The following SMG1 variants were observed in gnomAD, a reference collection of about 807,000 sequenced individuals.
The protein encoded by SMG1 is SMG1 nonsense mediated mRNA decay associated PI3K related kinase.
A neutral mutation model predicts 419.9 loss-of-function variants in SMG1; 22 were observed. The ratio of observed to expected loss-of-function variants is 0.05; its 90% confidence interval spans 0.04 to 0.07. The LOEUF (loss-of-function observed/expected upper bound fraction) is 0.07. Among genes scored for constraint, SMG1 ranks in the 10% least tolerant of loss-of-function variants. SMG1 has a pLI of 1.00. For missense variants in SMG1, 3,185 were observed against 4,342.0 expected (o/e 0.73, Z 7.49); for synonymous variants, 1,538 against 1,553.5 (o/e 0.99, Z 0.23).
At chr16:18,911,485 G>T (rs1028364277) in intron 1 of SMG1, 1 of 152,124 alleles carries the variant, frequency 6.6e-6, no homozygotes, top group Non-Finnish European at 1.5e-5. Context: ...TCCAGCCTGG[G>T]GGACAGAGCG....
intron 1 of SMG1, among the ~76,000 whole-genome samples, chr16:18,920,404 G>C (rs1008268342): frequency 6.7e-6 from 1 of 150,212 alleles, no homozygotes; most frequent in African/African-American, 2.5e-5. Flanking sequence ...AAAAAAAGTT[G>C]GGGTGAGGTG....
chr16:18,900,007 T>TG, intron 1 of SMG1: 1 of 1,531,208 alleles, frequency 6.5e-7, no homozygotes, highest in Non-Finnish European at 8.7e-7. Flanking sequence ...GCATACTGTA[T>TG]AATATGGAGC....
intron 1 of SMG1, chr16:18,911,330 T>A (rs965451309): frequency 7.8e-6 from 1 of 128,950 alleles, no homozygotes; most frequent in Non-Finnish European, 1.6e-5. Context: ...GGTGAAACCC[T>A]GTCTCTACTA....
intron 56 of SMG1, among the ~76,000 whole-genome samples, chr16:18,817,757 GC>G (rs1313585101): frequency 3.9e-5 from 6 of 152,112 alleles, no homozygotes; most frequent in Admixed American, 6.5e-5. Context: ...CCACAATAAA[GC>G]TGTTATATTC....
At chr16:18,819,337 G>A (rs2032309787) in intron 56 of SMG1, among the ~76,000 whole-genome samples, 165 bp downstream of exon 56, 1 of 152,154 alleles carries the variant, frequency 6.6e-6, no homozygotes, top group African/African-American at 2.4e-5. Context: ...CCTGCTGTGG[G>A]TTCAACTTAA....
intron 18 of SMG1, among the ~76,000 whole-genome samples, chr16:18,870,315 A>G (rs1334861179): frequency 6.6e-6 from 1 of 152,238 alleles, no homozygotes; most frequent in Admixed American, 6.5e-5. Context: ...ATCAAAAACA[A>G]TAAAAGATTA....
intron 60 of SMG1, among the ~76,000 whole-genome samples, chr16:18,812,647 T>TACAC (rs146911328): frequency 7.1e-5 from 9 of 127,656 alleles, no homozygotes; most frequent in Admixed American, 2.3e-4. Flanking sequence ...TATACACATA[T>TACAC]ACACACACAC....
rs377124551 is a variant in SMG1 at position 18,817,357 on chromosome 16, C to G, written c.10008G>C (p.Met3336Ile). 1 of 1,612,024 alleles carries G rather than the reference C, an allele frequency of 6.2e-7. No individual in the cohort carries two copies. The highest frequency in any genetic ancestry group is 8.5e-7 in the Non-Finnish European group (1 of 1,178,996). The change falls in exon 57 of 63, where the codon ATG (methionine) becomes ATC (isoleucine). Residue 3336 changes from methionine to isoleucine, a missense_variant. Met to Ile is a conservative substitution (Grantham distance 10). Transcript: ENST00000446231. ...LFELIKRCQQ[M>I]CSFASQFNSS... is the part of the protein sequence containing the mutation. ...TGTTAAACTGTGATGCAAACGAACACATCTGCTGACATCGCTTGATTAGTT... is the reference window on the plus strand; with the variant it reads ...TGTTAAACTGTGATGCAAACGAACAGATCTGCTGACATCGCTTGATTAGTT...
At chr16:18,838,925 A>G (rs1384951213) in intron 42 of SMG1, among the ~76,000 whole-genome samples, 1 of 152,138 alleles carries the variant, frequency 6.6e-6, no homozygotes, top group African/African-American at 2.4e-5. Flanking sequence ...TAAAAAAAAC[A>G]CAAACAAACA....
At chr16:18,827,748 A>T (rs12448472) in intron 55 of SMG1, among the ~76,000 whole-genome samples, 43,908 of 143,220 alleles carry the variant, frequency 0.31, 7,515 homozygotes, top group Non-Finnish European at 0.38. Context: ...ATATATTTTT[A>T]TATATCTTTG....
rs767999204 is a variant in SMG1 at position 18,845,571 on chromosome 16, C to T, written c.6077G>A (p.Ser2026Asn). ...PIVFALEHVR[S>N]ITAAPAETPH... ...TGTTTCTGCAGGAGCCGCTGTGATA[C>T]TCCTCACATGCTCCAAAGCAAATAC... is the stretch of plus-strand genomic sequence containing the variant. Residue 2026 changes from serine to asparagine, a missense_variant, in exon 39 of 63, where the codon AGT becomes AAT. By Grantham distance (46) the Ser-to-Asn change is conservative. Around this residue, in one of 27 missense-constraint regions of SMG1, gnomAD observed 159 missense variants for 196.0 expected, o/e 0.81. Coordinates refer to ENST00000446231, the MANE Select transcript of SMG1 (RefSeq NM_015092.5). The T allele has an allele frequency of 4.3e-6, 7 of 1,613,730 alleles. No homozygotes were observed. Among genetic ancestry groups the T allele is most frequent in the African/African-American group, 1.3e-5 (1 of 74,918 alleles).
At chr16:18,887,323 CA>C (rs928913320) in intron 6 of SMG1, among the ~76,000 whole-genome samples, 3 of 151,872 alleles carry the variant, frequency 2.0e-5, no homozygotes, top group African/African-American at 7.3e-5. Context: ...AAATTTTTCT[CA>C]AACCTCTATA....
Position 18,817,427 on chromosome 16 carries a change from C to T in SMG1, c.9938G>A (p.Arg3313Gln). Residue 3313 changes from arginine to glutamine, a missense_variant, in exon 57 of 63, where the codon CGA becomes CAA. Physicochemically the swap from Arg to Gln is conservative, Grantham distance 43 (BLOSUM62 1). Coordinates refer to ENST00000446231, the MANE Select transcript of SMG1 (RefSeq NM_015092.5). ...CSNIIHFESL[R>Q]TRTAEALNLD... ...GTTTAAGGCTTCTGCAGTTCTTGTT[C>T]GTAAACTTTCAAAATGAATGATATT... is the stretch of plus-strand genomic sequence containing the variant. 1 of 1,593,440 alleles carries T rather than the reference C, an allele frequency of 6.3e-7. No individual in the cohort carries two copies. The highest frequency in any genetic ancestry group is 8.6e-7 in the Non-Finnish European group (1 of 1,168,906).
rs1225376464 is a variant in SMG1 at position 18,807,243 on chromosome 16, TG to T, written c.*2325del. The T allele has an allele frequency of 6.6e-6, 1 of 152,170 alleles. No individual in the cohort carries two copies. The highest frequency in any genetic ancestry group is 1.5e-5 in the Non-Finnish European group (1 of 68,010). The allele number at this position is 152,170 out of a possible 1,614,324, so 9.4% of individuals were successfully genotyped here. A position where few individuals can be genotyped will look rare whatever the true frequency, so the allele number is the denominator to read the frequency against. On this transcript the variant is annotated 3_prime_UTR_variant, in exon 63 of 63. Coordinates refer to ENST00000446231, the MANE Select transcript of SMG1 (RefSeq NM_015092.5). Reference sequence around the variant, plus strand: ...AATACTATCTATAGTGCTAAACTAATGTGAACTGACTATCATTGCGATAAAA... The same window carrying T: ...AATACTATCTATAGTGCTAAACTAATTGAACTGACTATCATTGCGATAAAA...
chr16:18,895,007 C>A (rs2037056347), intron 3 of SMG1, among the ~76,000 whole-genome samples: 1 of 151,924 alleles, frequency 6.6e-6, no homozygotes, highest in South Asian at 2.1e-4. Flanking sequence ...TCAGTAGAGA[C>A]AGGGTTTCAC....
intron 56 of SMG1, 81 bp downstream of exon 56, chr16:18,819,421 A>G (rs2032315631): frequency 1.4e-6 from 2 of 1,472,808 alleles, no homozygotes; most frequent in South Asian, 1.2e-5. Context: ...AAGCTCCCCT[A>G]GTTACCCCAC....
At chr16:18,904,876 A>T (rs1366670232) in intron 1 of SMG1, among the ~76,000 whole-genome samples, 1 of 152,158 alleles carries the variant, frequency 6.6e-6, no homozygotes, top group Non-Finnish European at 1.5e-5. Flanking sequence ...CGGAGGCTGC[A>T]GTGAGCCGAG....
At position 18,809,550 on chromosome 16, in the gene SMG1, T is replaced by G; in HGVS notation, c.*19A>C. The G allele has an allele frequency of 6.3e-7, 1 of 1,596,104 alleles. No individual in the cohort carries two copies. Among genetic ancestry groups the G allele is most frequent in the African/African-American group, 1.3e-5 (1 of 74,748 alleles). On this transcript the variant is annotated 3_prime_UTR_variant, in exon 63 of 63. Transcript: ENST00000446231. ...GATGTCTGACCTCGCTTAACCAGAC[T>G]CATCTACTGTCTTGCCATTCACACC...
At chr16:18,894,957 A>C (rs1160509470) in intron 3 of SMG1, among the ~76,000 whole-genome samples, 1 of 151,940 alleles carries the variant, frequency 6.6e-6, no homozygotes, top group Admixed American at 6.6e-5. Flanking sequence ...AGCTGGGGCT[A>C]CAGGCGCCCA....
Sources: allele counts gnomAD v4.1 joint callset (sites outside exome capture counted in the v4.1 genomes callset), GRCh38; gene constraint gnomAD v4.1.1; regional missense constraint gnomAD v4.1.1; transcripts MANE v1.5; gene names NCBI Gene and HGNC (gene_info 2026-07-23, HGNC 2026-07-21).